PC: variants seen among roughly 807,000 people sequenced by gnomAD.
PC encodes pyruvate carboxylase, mitochondrial.
In PC, 46 loss-of-function variants were observed where a neutral mutation model predicts 107.8. The observed-to-expected ratio is 0.43, with a 90% confidence interval of 0.34 to 0.55. PC has a LOEUF of 0.55. Ranked by LOEUF, PC falls within the 20% of genes least tolerant of loss-of-function variation. PC has a pLI of 0.04. For synonymous variants in PC, 662 were observed against 684.7 expected, an observed-to-expected ratio of 0.97 and a Z score of 0.52; for missense variants, 1,241 against 1,643.1, an observed-to-expected ratio of 0.76 and a Z score of 4.23.
rs765727693 is a variant in PC at position 66,851,313 on chromosome 11, C to T, written c.1983-33G>A. 5 of 1,599,442 alleles carry T rather than the reference C, an allele frequency of 3.1e-6. No homozygotes were observed. The South Asian group carries it at 4.4e-5, about 14-fold the overall frequency. ...GGTGAGAGAGCCCAGGGCTGAGCCC[C>T]ACCCCACCTCCCTCTGAACAGTCTT... is the stretch of plus-strand genomic sequence containing the variant. On this transcript the variant is annotated intron_variant, in intron 16 of 22. Coordinates refer to ENST00000393960, the MANE Select transcript of PC (RefSeq NM_001040716.2).
intron 3 of PC, among the ~76,000 whole-genome samples, chr11:66,900,341 A>AT (rs978183437): frequency 9.9e-5 from 15 of 151,588 alleles, no homozygotes; most frequent in African/African-American, 3.2e-4. Context: ...CGCCCGACTA[A>AT]TTTTTTTGTA....
chr11:66,947,182 T>C (rs1591315714), intron 3 of PC, among the ~76,000 whole-genome samples: 1 of 152,182 alleles, frequency 6.6e-6, no homozygotes, highest in South Asian at 2.1e-4. Flanking sequence ...CAAAGACTTA[T>C]ACACAAATGT....
In PC at chr11:66,866,547, C is replaced by T. The variant is rs149084296; in HGVS notation, c.1023-198G>A. ...CCCCTGCCCTGCTCCCGCCGGGAGC[C>T]GACTAAACTACACAGTGCCTGGCAG... On this transcript the variant is annotated intron_variant, in intron 10 of 22. Transcript: ENST00000393960. This position sits in a 1 kb window ranked among gnomAD's most constrained non-coding sequence, Gnocchi z 5.4. Among the ~76,000 whole-genome samples the T allele has an allele frequency of 1.4e-3, 212 of 152,300 alleles. No individual in the cohort carries two copies. Among genetic ancestry groups the T allele is most frequent in the African/African-American group, 5.0e-3 (208 of 41,562 alleles).
At chr11:66,939,383 G>GA (rs940560593) in intron 3 of PC, among the ~76,000 whole-genome samples, 1 of 49,174 alleles carries the variant, frequency 2.0e-5, no homozygotes, top group Non-Finnish European at 5.0e-5. Context: ...GGCATCCATA[G>GA]GGGGGTCTTG....
intron 3 of PC, among the ~76,000 whole-genome samples, chr11:66,916,354 G>A (rs1948462866): frequency 6.6e-6 from 1 of 152,178 alleles, no homozygotes; most frequent in Admixed American, 6.5e-5. Context: ...CCACAGTGCT[G>A]GGATTACAGG....
chr11:66,854,016 G>T (rs771145061), intron 12 of PC, among the ~76,000 whole-genome samples: 1 of 152,218 alleles, frequency 6.6e-6, no homozygotes, highest in Non-Finnish European at 1.5e-5. Context: ...GCAAGTCCAC[G>T]GCCAGCTTCC....
chr11:66,915,996 C>A (rs1488729956), intron 3 of PC, among the ~76,000 whole-genome samples: 2 of 152,196 alleles, frequency 1.3e-5, no homozygotes, highest in African/African-American at 4.8e-5. Context: ...TGCTTTGGTC[C>A]TTCCTCCTCC....
chr11:66,862,611 C>G (rs1946319100), intron 12 of PC, among the ~76,000 whole-genome samples: 1 of 152,248 alleles, frequency 6.6e-6, no homozygotes, highest in African/African-American at 2.4e-5. Flanking sequence ...AGGGCCAAAG[C>G]CCCTGTCCTC....
intron 16 of PC, 91 bp from the exon 17 acceptor site, chr11:66,851,371 C>T: frequency 6.4e-7 from 1 of 1,567,042 alleles, no homozygotes; most frequent in Non-Finnish European, 8.6e-7. Context: ...TCTATGGCCC[C>T]TGGGGAATGA....
chr11:66,919,446 C>T (rs1044240648), intron 3 of PC, among the ~76,000 whole-genome samples: 6 of 152,164 alleles, frequency 3.9e-5, no homozygotes, highest in East Asian at 1.9e-4. Context: ...TTCGCCCACA[C>T]CCTTAAAGAA....
intron 3 of PC, among the ~76,000 whole-genome samples, chr11:66,888,547 C>T (rs1200834798): frequency 6.6e-6 from 1 of 151,964 alleles, no homozygotes; most frequent in Non-Finnish European, 1.5e-5. Context: ...GCCCAGGTCG[C>T]TCGCTGTCCA....
chr11:66,916,623 G>C (rs1948468929), intron 3 of PC, among the ~76,000 whole-genome samples: 1 of 152,290 alleles, frequency 6.6e-6, no homozygotes, highest in East Asian at 1.9e-4. Flanking sequence ...AAACGTGGAA[G>C]GGAGAAAAGC....
At chr11:66,856,224 C>A (rs1225910672) in intron 12 of PC, among the ~76,000 whole-genome samples, 1 of 152,252 alleles carries the variant, frequency 6.6e-6, no homozygotes, top group Non-Finnish European at 1.5e-5. Flanking sequence ...GGCGACAGAG[C>A]GGGAGGGAGG....
chr11:66,864,533 CTTCCT>C (rs753180109), intron 11 of PC, among the ~76,000 whole-genome samples: 2 of 152,240 alleles, frequency 1.3e-5, no homozygotes, highest in East Asian at 3.9e-4. Context: ...CCCATGCTCC[CTTCCT>C]TTCCTTTCCT....
intron 3 of PC, among the ~76,000 whole-genome samples, chr11:66,909,710 C>A (rs1948280069): frequency 6.6e-6 from 1 of 152,030 alleles, no homozygotes; most frequent in African/African-American, 2.4e-5. Context: ...GTGGTGGGAG[C>A]CAAAGGAAGC....
intron 12 of PC, among the ~76,000 whole-genome samples, chr11:66,862,223 A>G (rs1175673628): frequency 3.9e-5 from 6 of 152,194 alleles, no homozygotes; most frequent in Non-Finnish European, 8.8e-5. Flanking sequence ...TGTGCACGAC[A>G]GGGACCCCCA....
chr11:66,896,340 A>G (rs1209712507), intron 3 of PC, among the ~76,000 whole-genome samples: 1 of 152,210 alleles, frequency 6.6e-6, no homozygotes, highest in East Asian at 1.9e-4. Flanking sequence ...CGGCCTCCCA[A>G]AGTGCTGGGA....
chr11:66,934,528 G>A (rs1008043132), intron 3 of PC: 3 of 154,126 alleles, frequency 1.9e-5, no homozygotes, highest in African/African-American at 7.2e-5. Context: ...AAGAAGCTAA[G>A]GAACTTGCTG....
intron 3 of PC, among the ~76,000 whole-genome samples, chr11:66,907,462 G>C (rs1269284261): frequency 6.6e-6 from 1 of 151,992 alleles, no homozygotes; most frequent in East Asian, 1.9e-4. Flanking sequence ...GGGAGGCAGG[G>C]GTTGCAGTGA....
Sources: allele counts gnomAD v4.1 joint callset (sites outside exome capture counted in the v4.1 genomes callset), GRCh38; gene constraint gnomAD v4.1.1; non-coding constraint Gnocchi (gnomAD v3.1); transcripts MANE v1.5; gene names NCBI Gene and HGNC (gene_info 2026-07-23, HGNC 2026-07-21).